PXK: variants seen among roughly 807,000 people sequenced by gnomAD.
PXK encodes PX domain containing serine/threonine kinase like.
Under a neutral mutation model 84.7 loss-of-function variants are expected in PXK, and 35 were observed. That is an observed-to-expected ratio of 0.41 (90% confidence interval 0.32 to 0.55). PXK has a LOEUF of 0.55. PXK is among the 20% of genes least tolerant of loss of function. PXK has a pLI of 0.21. For synonymous variants in PXK, 253 were observed against 260.8 expected (o/e 0.97, Z 0.29); for missense variants, 634 against 699.7 (o/e 0.91, Z 1.06).
Position 58,390,546 on chromosome 3 carries a change from A to G in PXK, c.389-36A>G, listed in dbSNP as rs1432710241. On this transcript the variant is annotated intron_variant, in intron 4 of 17. Transcript: ENST00000356151. This position sits in a 1 kb window ranked among gnomAD's most constrained non-coding sequence, Gnocchi z 4.2. ...CTTCAGCATATGGCCCTTTCCTGAT[A>G]TGTCTGACTAATGGGTTTCTAAAAT... 1 of 1,540,868 alleles carries G rather than the reference A, an allele frequency of 6.5e-7. No homozygotes were observed. Among genetic ancestry groups the G allele is most frequent in the Non-Finnish European group, 9.0e-7 (1 of 1,117,010 alleles).
chr3:58,378,815 C>T (rs12330155), intron 3 of PXK, among the ~76,000 whole-genome samples: 11,057 of 151,718 alleles, frequency 0.073, 513 homozygotes, highest in South Asian at 0.1. Context: ...GGATTACAGG[C>T]GTGAGCCACC....
chr3:58,339,216 GGGT>G (rs1051180932), intron 1 of PXK, among the ~76,000 whole-genome samples: 11 of 137,474 alleles, frequency 8.0e-5, no homozygotes, highest in African/African-American at 3.8e-4. Flanking sequence ...GTTTTGTGGG[GGGT>G]TTTTTTTTGT....
chr3:58,385,032 A>G lies in PXK; in HGVS notation c.388+2332A>G, dbSNP rs974944238. 9.9e-5 allele frequency among the ~76,000 whole-genome samples: 15 copies of G among 152,134 alleles called. No homozygotes were observed. Among genetic ancestry groups the G allele is most frequent in the Admixed American group, 8.5e-4 (13 of 15,272 alleles). On this transcript the variant is annotated intron_variant, in intron 4 of 17. Coordinates refer to ENST00000356151, the MANE Select transcript of PXK (RefSeq NM_017771.5). This position sits in a 1 kb window ranked among gnomAD's most constrained non-coding sequence, Gnocchi z 5.1. ...GAGTGTTTAAGTTAAAATGCTTTGT[A>G]ACTCCTAGAAGGTTGTCTATTCTGA...
intron 4 of PXK, among the ~76,000 whole-genome samples, chr3:58,386,682 C>G (rs1448279212): frequency 6.6e-6 from 1 of 152,170 alleles, no homozygotes; most frequent in African/African-American, 2.4e-5. Flanking sequence ...TCCTTATACC[C>G]TCTTGGAGTA....
At chr3:58,396,281 A>G (rs1266103811) in intron 9 of PXK, among the ~76,000 whole-genome samples, 1 of 152,194 alleles carries the variant, frequency 6.6e-6, no homozygotes, top group African/African-American at 2.4e-5. Flanking sequence ...GTATGTGTGT[A>G]TATATATTAT....
intron 3 of PXK, among the ~76,000 whole-genome samples, chr3:58,374,271 A>G (rs1416613025): frequency 6.6e-6 from 1 of 151,228 alleles, no homozygotes; most frequent in Non-Finnish European, 1.5e-5. Context: ...CCCGGGTTCA[A>G]GCGATTATCC....
intron 3 of PXK, among the ~76,000 whole-genome samples, chr3:58,374,038 C>T (rs1162572551): frequency 7.9e-6 from 1 of 127,286 alleles, no homozygotes; most frequent in Non-Finnish European, 1.7e-5. Flanking sequence ...AGCGAGACTC[C>T]GTCTCAAAAA....
Position 58,423,168 on chromosome 3 carries a change from C to CT in PXK, c.1529-1582dup, listed in dbSNP as rs1242458876. ...TCACTGGTTGCTCTCCAGAAGTCCT[C>CT]TTCAGAGGAATGCTCATCACACATG... On this transcript the variant is annotated intron_variant, in intron 17 of 17. Transcript: ENST00000356151. The CT allele has an allele frequency of 2.2e-5, 22 of 985,078 alleles. No homozygotes were observed. The Admixed American group carries it at 1.4e-3, about 61-fold the overall frequency. The allele number at this position is 985,078 out of a possible 1,614,324, so 61.0% of individuals were successfully genotyped here.
chr3:58,355,175 T>TG (rs1229904599), intron 1 of PXK, among the ~76,000 whole-genome samples: 3 of 151,420 alleles, frequency 2.0e-5, no homozygotes, highest in African/African-American at 7.3e-5. Context: ...CTAATGCCTG[T>TG]GCCCAGGCCA....
rs1275957960 is a variant in PXK at position 58,379,977 on chromosome 3, C to G, written c.202-2537C>G. Among the ~76,000 whole-genome samples the G allele has an allele frequency of 2.0e-5, 3 of 151,024 alleles. No individual in the cohort carries two copies. The highest frequency in any genetic ancestry group is 4.4e-5 in the Non-Finnish European group (3 of 67,724). ...ACAGGGTGAGAACCTGTCTCAAAAA[C>G]AAAACAAAACAAAAAGAGCAGAAAA... On this transcript the variant is annotated intron_variant, in intron 3 of 17. Transcript: ENST00000356151. This position sits in a 1 kb window ranked among gnomAD's most constrained non-coding sequence, Gnocchi z 5.1.
intron 3 of PXK, among the ~76,000 whole-genome samples, chr3:58,378,717 G>A (rs903282581): frequency 6.7e-6 from 1 of 150,288 alleles, no homozygotes; most frequent in South Asian, 2.1e-4. Flanking sequence ...TGTGTTTTTA[G>A]TAGAGATGGG....
chr3:58,403,655 C>T (rs2058949872), intron 12 of PXK, among the ~76,000 whole-genome samples: 1 of 152,196 alleles, frequency 6.6e-6, no homozygotes, highest in African/African-American at 2.4e-5. Context: ...ACCCTAGTAA[C>T]ACAGTGGGAA....
At chr3:58,389,303 T>G (rs183757754) in intron 4 of PXK, among the ~76,000 whole-genome samples, 1 of 152,224 alleles carries the variant, frequency 6.6e-6, no homozygotes, top group Admixed American at 6.5e-5. Context: ...TAATTCCAGA[T>G]GGGATAAATA....
At chr3:58,408,720 C>T (rs547029029) in intron 13 of PXK, among the ~76,000 whole-genome samples, 7 of 152,114 alleles carry the variant, frequency 4.6e-5, no homozygotes, top group Non-Finnish European at 1.0e-4. Context: ...GATGGGATTT[C>T]ACCGTGTTAG....
chr3:58,354,414 G>GT lies in PXK; in HGVS notation c.103-11454dup, dbSNP rs1223045108. Among the ~76,000 whole-genome samples, 24 of 151,282 alleles carry GT rather than the reference G, an allele frequency of 1.6e-4. 1 individual carries two copies. The highest frequency in any genetic ancestry group is 4.2e-4 in the South Asian group (2 of 4,806). ...ATCTGTTTCCTTCCACTCATGCAAG[G>GT]TTTTTTATTTTTGTGGTGTGGAGCT... On this transcript the variant is annotated intron_variant, in intron 1 of 17. Transcript: ENST00000356151.
intron 1 of PXK, among the ~76,000 whole-genome samples, chr3:58,347,929 T>C (rs1242151344): frequency 6.6e-6 from 1 of 152,152 alleles, no homozygotes; most frequent in Admixed American, 6.6e-5. Context: ...GTTTTGTTTT[T>C]TTGAGACTGA....
chr3:58,417,927 A>G (rs1387841586), intron 17 of PXK, among the ~76,000 whole-genome samples: 1 of 152,068 alleles, frequency 6.6e-6, no homozygotes, highest in African/African-American at 2.4e-5. Context: ...CTGCAGCCTT[A>G]ACCTCCCACC....
intron 13 of PXK, among the ~76,000 whole-genome samples, chr3:58,408,554 G>A (rs1196308968): frequency 2.0e-5 from 3 of 147,654 alleles, no homozygotes; most frequent in South Asian, 2.1e-4. Context: ...ATGGAGTCTC[G>A]CTCTGTCACC....
At chr3:58,339,187 G>T (rs1247975657) in intron 1 of PXK, among the ~76,000 whole-genome samples, 1 of 149,280 alleles carries the variant, frequency 6.7e-6, no homozygotes, top group African/African-American at 2.5e-5. Flanking sequence ...GAAGACGTTG[G>T]TTTTTTTGTT....
Sources: gnomAD v4.1 joint callset for allele counts (sites outside exome capture counted in the v4.1 genomes callset) on GRCh38, gnomAD v4.1.1 for gene constraint, Gnocchi (gnomAD v3.1) non-coding constraint, MANE v1.5 for transcripts, NCBI Gene and HGNC (gene_info 2026-07-23, HGNC 2026-07-21) for gene names.